Variants in CACNB4 observed in about 807,000 individuals in gnomAD.
The protein encoded by CACNB4 is calcium voltage-gated channel auxiliary subunit beta 4.
In CACNB4, 32 loss-of-function variants were observed where a neutral mutation model predicts 71.2. The ratio of observed to expected loss-of-function variants is 0.45; its 90% CI spans 0.34 to 0.60. The LOEUF is 0.60. Among genes scored for constraint, CACNB4 ranks in the 20% least tolerant of loss-of-function variants. The pLI is 0.01. For synonymous variants in CACNB4, 231 were observed against 236.9 expected, an observed-to-expected ratio of 0.97 and a Z score of 0.23; for missense variants, 464 against 647.9, an observed-to-expected ratio of 0.72 and a Z score of 3.08.
At chr2:151,870,937 A>C (rs369397005) in intron 6 of CACNB4, 76 bp from the exon 7 acceptor site, 23 of 1,065,592 alleles carry the variant, frequency 2.2e-5, no homozygotes, top group Non-Finnish European at 3.1e-5. Flanking sequence ...AAAAGATGGA[A>C]GAATGTACCC....
Position 152,095,471 on chromosome 2 carries a change from CATATTTTTGTAAATAATATGAT to C in CACNB4, c.147+2837_147+2858del, listed in dbSNP as rs571776396. Among the ~76,000 whole-genome samples, 177 of 152,122 alleles carry C rather than the reference CATATTTTTGTAAATAATATGAT, an allele frequency of 1.2e-3. 1 individual carries two copies. Among genetic ancestry groups the C allele is most frequent in the African/African-American group, 4.0e-3 (168 of 41,490 alleles). ...TTTTTTTTTAATGAAAGCTTTTCTC[CATATTTTTGTAAATAATATGAT>C]AAAGAAACTAGCAATATATATATTT... On this transcript the variant is annotated intron_variant, in intron 2 of 13. Coordinates refer to ENST00000539935, the MANE Select transcript of CACNB4 (RefSeq NM_000726.5).
At chr2:152,071,672 T>C (rs955917070) in intron 2 of CACNB4, among the ~76,000 whole-genome samples, 11 of 152,222 alleles carry the variant, frequency 7.2e-5, no homozygotes, top group Admixed American at 2.0e-4. Context: ...AAAATAGCAA[T>C]TGGGCCTATA....
At chr2:152,079,596 G>A (rs1290136268) in intron 2 of CACNB4, among the ~76,000 whole-genome samples, 2 of 151,726 alleles carry the variant, frequency 1.3e-5, no homozygotes, top group Non-Finnish European at 1.5e-5. Flanking sequence ...GACCAGCCTG[G>A]GCAACATAGT....
intron 2 of CACNB4, among the ~76,000 whole-genome samples, chr2:151,980,717 G>T (rs188644871): frequency 6.6e-6 from 1 of 152,306 alleles, no homozygotes; most frequent in East Asian, 1.9e-4. Context: ...AGAAAACCCA[G>T]AACATGAGCA....
intron 2 of CACNB4, among the ~76,000 whole-genome samples, chr2:151,913,485 G>T (rs954464278): frequency 6.6e-6 from 1 of 152,012 alleles, no homozygotes; most frequent in Non-Finnish European, 1.5e-5. Context: ...TATTGAATAG[G>T]CCAGGTGTGG....
intron 2 of CACNB4, among the ~76,000 whole-genome samples, chr2:152,023,522 C>T (rs1317803813): frequency 1.3e-5 from 2 of 152,068 alleles, no homozygotes; most frequent in Non-Finnish European, 2.9e-5. Context: ...GCAACCTCTG[C>T]CTCCCGGGTT....
At chr2:152,043,312 G>C (rs1158781216) in intron 2 of CACNB4, among the ~76,000 whole-genome samples, 1 of 152,096 alleles carries the variant, frequency 6.6e-6, no homozygotes, top group African/African-American at 2.4e-5. Context: ...ACGTTCTCTT[G>C]GGGTCTGCAT....
intron 2 of CACNB4, among the ~76,000 whole-genome samples, chr2:152,040,600 C>T (rs1368433084): frequency 6.6e-6 from 1 of 152,112 alleles, no homozygotes; most frequent in African/African-American, 2.4e-5. Context: ...CACCACCATG[C>T]CCAGCTAATT....
chr2:152,094,240 G>A (rs1298947801), intron 2 of CACNB4, among the ~76,000 whole-genome samples: 1 of 152,198 alleles, frequency 6.6e-6, no homozygotes, highest in Non-Finnish European at 1.5e-5. Context: ...AGATCTCAGG[G>A]AAGATTAAAA....
intron 2 of CACNB4, among the ~76,000 whole-genome samples, chr2:151,940,894 T>C (rs1385922839): frequency 1.3e-5 from 2 of 152,172 alleles, no homozygotes; most frequent in African/African-American, 4.8e-5. Context: ...GTATCTCTTG[T>C]CCAACTCAGT....
chr2:151,997,004 T>C (rs1032346618), intron 2 of CACNB4, among the ~76,000 whole-genome samples: 2 of 152,130 alleles, frequency 1.3e-5, no homozygotes, highest in African/African-American at 4.8e-5. Context: ...TCACAGGGTA[T>C]AAGGGCCAAG....
At chr2:151,982,519 AG>A (rs1052070805) in intron 2 of CACNB4, among the ~76,000 whole-genome samples, 5 of 151,856 alleles carry the variant, frequency 3.3e-5, no homozygotes, top group African/African-American at 1.2e-4. Context: ...CTGTAGTCCC[AG>A]CTACTTGGGA....
At chr2:151,889,819 G>A (rs888613090) in intron 2 of CACNB4, among the ~76,000 whole-genome samples, 1 of 152,180 alleles carries the variant, frequency 6.6e-6, no homozygotes, top group African/African-American at 2.4e-5. Flanking sequence ...GGTCCAGGCT[G>A]CGTCTCCAAG....
chr2:152,097,872 C>T (rs1455043596), intron 2 of CACNB4, among the ~76,000 whole-genome samples: 2 of 152,166 alleles, frequency 1.3e-5, no homozygotes, highest in Non-Finnish European at 2.9e-5. Context: ...CGATCTCTCC[C>T]AAGATCCAGA....
intron 2 of CACNB4, among the ~76,000 whole-genome samples, chr2:151,955,083 C>T (rs2099867900): frequency 6.6e-6 from 1 of 151,984 alleles, no homozygotes; most frequent in Non-Finnish European, 1.5e-5. Flanking sequence ...TCTCGATCTC[C>T]TGACCTTGTG....
chr2:152,009,942 C>T (rs1682963047), intron 2 of CACNB4, among the ~76,000 whole-genome samples: 1 of 152,242 alleles, frequency 6.6e-6, no homozygotes, highest in South Asian at 2.1e-4. Context: ...ACTCTCTTCT[C>T]TGCCTTCCCT....
chr2:151,898,730 A>G (rs2099852679), intron 2 of CACNB4, among the ~76,000 whole-genome samples: 1 of 152,248 alleles, frequency 6.6e-6, no homozygotes, highest in African/African-American at 2.4e-5. Flanking sequence ...TTTTGTTATC[A>G]TTCTCATGCT....
intron 9 of CACNB4, chr2:151,867,473 G>A (rs947167369): frequency 6.6e-6 from 1 of 152,210 alleles, no homozygotes; most frequent in Non-Finnish European, 1.5e-5. Flanking sequence ...GAAATGATGA[G>A]TCTAAAAGAC....
At chr2:152,037,023 C>T (rs768895559) in intron 2 of CACNB4, among the ~76,000 whole-genome samples, 6 of 152,170 alleles carry the variant, frequency 3.9e-5, no homozygotes, top group African/African-American at 1.2e-4. Flanking sequence ...TATCTCCAAA[C>T]GTTCTTGATG....
Sources: gnomAD v4.1 joint callset for allele counts (sites outside exome capture counted in the v4.1 genomes callset) on GRCh38, gnomAD v4.1.1 for gene constraint, MANE v1.5 for transcripts, NCBI Gene and HGNC (gene_info 2026-07-23, HGNC 2026-07-21) for gene names.